Variants in XRCC4 observed in about 807,000 individuals in gnomAD.
XRCC4 encodes the protein DNA repair protein XRCC4.
In XRCC4, 28 loss-of-function variants were observed where a neutral mutation model predicts 39.1. The ratio of observed to expected loss-of-function variants is 0.72; its 90% CI spans 0.53 to 0.98. The LOEUF (loss-of-function observed/expected upper bound fraction) is 0.98, where lower values mean the gene tolerates loss of function less well. Ranked by LOEUF, XRCC4 falls within the 50% of genes least tolerant of loss-of-function variation. The pLI is 0.00. For synonymous variants in XRCC4, 123 were observed against 126.4 expected (o/e 0.97, Z 0.18); for missense variants, 350 against 376.4 (o/e 0.93, Z 0.58).
chr5:83,127,879 A>C lies in XRCC4; in HGVS notation c.315+16676A>C, dbSNP rs935671095. Among the ~76,000 whole-genome samples, 74 of 88,546 alleles carry C rather than the reference A, an allele frequency of 8.4e-4. 1 individual carries two copies. Among genetic ancestry groups the C allele is most frequent in the Non-Finnish European group, 1.5e-3 (66 of 44,182 alleles). 58.1% of individuals were successfully genotyped at this position (88,546 alleles called of 152,430 possible). ...TCACTGGGTAGAGAATTCTAAGTTG[A>C]CTTTTTTTTTTTTTTTCAGTACTTT... is the stretch of plus-strand genomic sequence containing the variant. On this transcript the variant is annotated intron_variant, in intron 3 of 7. Transcript: ENST00000396027.
intron 3 of XRCC4, among the ~76,000 whole-genome samples, chr5:83,156,698 G>A (rs1219959367): frequency 1.3e-5 from 2 of 152,010 alleles, no homozygotes; most frequent in Admixed American, 1.3e-4. Context: ...TGTTAATATG[G>A]CAGAAAGCAT....
At position 83,125,839 on chromosome 5, in the gene XRCC4, C is replaced by T. The variant is rs1747232308; in HGVS notation, c.315+14636C>T. Among the ~76,000 whole-genome samples, 3 of 152,122 alleles carry T rather than the reference C, an allele frequency of 2.0e-5. 1 individual carries two copies. The South Asian group carries it at 6.2e-4, about 32-fold the overall frequency. On this transcript the variant is annotated intron_variant, in intron 3 of 7. Coordinates refer to ENST00000396027, the MANE Select transcript of XRCC4 (RefSeq NM_003401.5). ...CTCTACTAAATACTAAAAAATTAGCCAGGTGTGGTGGCGCATTCCTGTAAT... is the reference window on the plus strand; with the variant it reads ...CTCTACTAAATACTAAAAAATTAGCTAGGTGTGGTGGCGCATTCCTGTAAT...
At chr5:83,105,133 T>C in intron 2 of XRCC4, 75 bp downstream of exon 2, 1 of 1,416,370 alleles carries the variant, frequency 7.1e-7, no homozygotes, top group Non-Finnish European at 9.5e-7. Context: ...TACTTTTCCA[T>C]TAGATATTGG....
chr5:83,322,756 C>T (rs1366637431), intron 7 of XRCC4, among the ~76,000 whole-genome samples: 1 of 152,140 alleles, frequency 6.6e-6, no homozygotes, highest in Non-Finnish European at 1.5e-5. Flanking sequence ...AGGAATGCTA[C>T]AACCACAAAA....
intron 1 of XRCC4, among the ~76,000 whole-genome samples, chr5:83,086,497 G>A (rs1463073210): frequency 1.3e-5 from 2 of 152,194 alleles, no homozygotes; most frequent in African/African-American, 4.8e-5. Flanking sequence ...TATTCATTAA[G>A]TGGAAGTCGA....
intron 6 of XRCC4, among the ~76,000 whole-genome samples, chr5:83,229,143 T>C (rs1448956350): frequency 2.0e-5 from 3 of 152,064 alleles, no homozygotes; most frequent in Admixed American, 6.6e-5. Flanking sequence ...CTTCTCTTGA[T>C]ATAAAGTTCC....
intron 7 of XRCC4, among the ~76,000 whole-genome samples, chr5:83,305,003 C>G (rs1470598571): frequency 6.6e-6 from 1 of 152,120 alleles, no homozygotes; most frequent in African/African-American, 2.4e-5. Flanking sequence ...TGAGCAAGGT[C>G]TCCCAGAAGC....
chr5:83,231,942 C>T (rs1004676291), intron 6 of XRCC4, among the ~76,000 whole-genome samples: 2 of 152,014 alleles, frequency 1.3e-5, no homozygotes, highest in African/African-American at 4.8e-5. Context: ...ATTCCCTCTG[C>T]TATTGGACTT....
chr5:83,184,886 T>C (rs1413103300), intron 3 of XRCC4, among the ~76,000 whole-genome samples: 3 of 152,054 alleles, frequency 2.0e-5, no homozygotes, highest in Non-Finnish European at 4.4e-5. Context: ...TTTGTTGTGG[T>C]TTATTTGCAA....
In XRCC4 at chr5:83,258,622, C is replaced by A; in HGVS notation, c.838C>A (p.Leu280Ile). Residue 280 changes from leucine to isoleucine, a missense_variant, in exon 7 of 8, where the codon CTT (leucine) becomes ATT (isoleucine). Transcript: ENST00000396027. The part of the protein sequence containing the change: ...RKRRQRMQRN[L>I]GTEPKMAPQE... ...AAGGAGACAGCGAATGCAAAGAAAT[C>A]TTGGGACAGAACCTAAAATGGCTCC... The A allele has an allele frequency of 6.2e-7, 1 of 1,611,874 alleles. No homozygotes were observed. The highest frequency in any genetic ancestry group is 8.5e-7 in the Non-Finnish European group (1 of 1,179,214).
At chr5:83,269,434 AG>A (rs1754062692) in intron 7 of XRCC4, among the ~76,000 whole-genome samples, 1 of 150,966 alleles carries the variant, frequency 6.6e-6, no homozygotes, top group Non-Finnish European at 1.5e-5. Flanking sequence ...AATAGTTCCA[AG>A]TACATCTAGA....
intron 3 of XRCC4, among the ~76,000 whole-genome samples, chr5:83,125,437 C>G (rs1424401484): frequency 1.3e-5 from 2 of 152,134 alleles, no homozygotes; most frequent in African/African-American, 4.8e-5. Flanking sequence ...TATCTATAAT[C>G]TATTTTGAAT....
At chr5:83,143,888 G>A (rs1748305096) in intron 3 of XRCC4, among the ~76,000 whole-genome samples, 1 of 151,700 alleles carries the variant, frequency 6.6e-6, no homozygotes, top group South Asian at 2.1e-4. Flanking sequence ...ACTATGATGT[G>A]CCTAGGAGTT....
intron 7 of XRCC4, among the ~76,000 whole-genome samples, chr5:83,274,263 G>A (rs11957568): frequency 0.024 from 3,650 of 152,144 alleles, 139 homozygotes; most frequent in African/African-American, 0.083. Flanking sequence ...CACTACAAAA[G>A]CATTTGTCTT....
At chr5:83,132,953 GA>G (rs1360950483) in intron 3 of XRCC4, among the ~76,000 whole-genome samples, 2 of 152,128 alleles carry the variant, frequency 1.3e-5, no homozygotes, top group Non-Finnish European at 2.9e-5. Flanking sequence ...TCCTTTGGAG[GA>G]GAGGAGGTGC....
chr5:83,079,991 G>A (rs1744863142), intron 1 of XRCC4, among the ~76,000 whole-genome samples: 1 of 152,166 alleles, frequency 6.6e-6, no homozygotes. Flanking sequence ...GATTACATGA[G>A]TTATTACAAG....
chr5:83,116,559 T>C (rs1318428829), intron 3 of XRCC4, among the ~76,000 whole-genome samples: 1 of 150,708 alleles, frequency 6.6e-6, no homozygotes. Flanking sequence ...ATTTTGAAAA[T>C]CCTGTCTTAT....
intron 7 of XRCC4, among the ~76,000 whole-genome samples, chr5:83,315,358 G>T (rs972112024): frequency 6.6e-6 from 1 of 152,132 alleles, no homozygotes; most frequent in Admixed American, 6.6e-5. Flanking sequence ...GAAGCAATGA[G>T]TGCCAATGGA....
At chr5:83,342,269 T>C (rs1756784364) in intron 7 of XRCC4, among the ~76,000 whole-genome samples, 1 of 152,218 alleles carries the variant, frequency 6.6e-6, no homozygotes, top group African/African-American at 2.4e-5. Flanking sequence ...GTGGCCAGCA[T>C]CCTTGTAGAT....
Sources: allele counts gnomAD v4.1 joint callset (sites outside exome capture counted in the v4.1 genomes callset), GRCh38; gene constraint gnomAD v4.1.1; transcripts MANE v1.5; gene names NCBI Gene and HGNC (gene_info 2026-07-23, HGNC 2026-07-21).